The following POLQ variants were observed in gnomAD, a reference collection of about 807,000 sequenced individuals.
POLQ encodes the protein epididymis secretory sperm binding protein.
A neutral mutation model predicts 259.2 loss-of-function variants in POLQ; 233 were observed. That is an observed-to-expected ratio of 0.90 (90% CI 0.81 to 1.00). The LOEUF (loss-of-function observed/expected upper bound fraction) is 1.00. POLQ is among the 50% of genes least tolerant of loss of function. The probability of loss-of-function intolerance (pLI) is 0.00; values close to 1 mark genes in which losing one functional copy is unlikely to be tolerated. For missense variants in POLQ, 2,871 were observed against 3,051.6 expected (o/e 0.94, Z 1.39); for synonymous variants, 1,025 against 1,048.8 (o/e 0.98, Z 0.44).
chr3:121,496,750 C>T, intron 14 of POLQ, 58 bp downstream of exon 14: 1 of 1,538,074 alleles, frequency 6.5e-7, no homozygotes, highest in Non-Finnish European at 8.8e-7. Context: ...AAAAAGTAAT[C>T]TTAACTCGAC....
Position 121,476,732 on chromosome 3 carries a change from ATCTGG to A in POLQ, c.6212-4_6212del. The A allele has an allele frequency of 1.9e-6, 3 of 1,596,900 alleles. No individual in the cohort carries two copies. The highest frequency in any genetic ancestry group is 1.7e-4 in the Middle Eastern group (1 of 5,958). On this transcript the variant is annotated splice_acceptor_variant and splice_polypyrimidine_tract_variant and coding_sequence_variant and intron_variant, in exon 20 of 30. Transcript: ENST00000264233. LOFTEE classifies it high-confidence loss of function. ...AGGGCATTTCCACCTTACGGAAAAC[ATCTGG>A]AAGAAAAAAGAAAATTAAAACGTTA... is the stretch of plus-strand genomic sequence containing the variant.
At chr3:121,458,082 G>C (rs956016282) in intron 25 of POLQ, among the ~76,000 whole-genome samples, 1 of 152,104 alleles carries the variant, frequency 6.6e-6, no homozygotes, top group Non-Finnish European at 1.5e-5. Flanking sequence ...CATGTCCTTT[G>C]TAGGGACATG....
At chr3:121,508,856 T>C (rs1169285692) in intron 12 of POLQ, among the ~76,000 whole-genome samples, 1 of 152,216 alleles carries the variant, frequency 6.6e-6, no homozygotes, top group African/African-American at 2.4e-5. Flanking sequence ...ACTGACAAAA[T>C]TAATTATTTC....
Position 121,496,922 on chromosome 3 carries a change from T to C in POLQ, c.2164A>G (p.Ser722Gly), listed in dbSNP as rs1480400835. Residue 722 changes from serine (S) to glycine (G), a missense_variant, in exon 14 of 30, where the codon AGT (serine) becomes GGT (glycine). Physicochemically the swap from Ser to Gly is moderately conservative, Grantham distance 56. Transcript: ENST00000264233. ...CTGATTAAATCTAATAGCACAAGAC[T>C]GGTGAAAAACCTGGGAATAAATCAT... ...QMAIHKRFFT[S>G]LVLLDLISEV... 2.5e-6 allele frequency: 4 copies of C among 1,611,920 alleles called. No homozygotes were observed. Among genetic ancestry groups the C allele is most frequent in the Non-Finnish European group, 3.4e-6 (4 of 1,179,548 alleles).
At chr3:121,529,294 T>C (rs771361580) in intron 7 of POLQ, among the ~76,000 whole-genome samples, 9 of 152,208 alleles carry the variant, frequency 5.9e-5, no homozygotes, top group African/African-American at 1.2e-4. Flanking sequence ...AAGAAAGATA[T>C]GGTTACTTTC....
intron 4 of POLQ, among the ~76,000 whole-genome samples, chr3:121,537,422 CT>C (rs2048458684): frequency 1.3e-5 from 2 of 152,148 alleles, no homozygotes; most frequent in Non-Finnish European, 2.9e-5. Context: ...CAATAGTACC[CT>C]ATTATTAAAT....
chr3:121,511,805 T>C (rs2048257586), intron 10 of POLQ, 82 bp downstream of exon 10: 1 of 1,096,756 alleles, frequency 9.1e-7, no homozygotes, highest in Non-Finnish European at 1.3e-6. Context: ...AATAAATAAA[T>C]AAAGCTAAGA....
At chr3:121,474,990 C>CA (rs2047914648) in intron 20 of POLQ, among the ~76,000 whole-genome samples, 1 of 152,112 alleles carries the variant, frequency 6.6e-6, no homozygotes, top group East Asian at 1.9e-4. Flanking sequence ...TTGATCACCA[C>CA]ACTTAGACTT....
chr3:121,434,981 A>ACC (rs1308711041), intron 28 of POLQ, among the ~76,000 whole-genome samples: 2 of 151,806 alleles, frequency 1.3e-5, no homozygotes, highest in Non-Finnish European at 2.9e-5. Context: ...ACATGGTGAA[A>ACC]CCCCCTCTCT....
chr3:121,522,213 A>C (rs1407908294), intron 7 of POLQ, 64 bp from the exon 8 acceptor site: 1 of 1,199,020 alleles, frequency 8.3e-7, no homozygotes, highest in Non-Finnish European at 1.2e-6. Context: ...GTATCTGTCT[A>C]AATCATAATA....
At chr3:121,506,534 A>T (rs1167918507) in intron 12 of POLQ, among the ~76,000 whole-genome samples, 2 of 152,238 alleles carry the variant, frequency 1.3e-5, no homozygotes, top group Non-Finnish European at 2.9e-5. Context: ...AATGTAAAAA[A>T]ATGTAAACTA....
At chr3:121,539,624 A>G (rs1221471076) in intron 3 of POLQ, 35 bp from the exon 4 acceptor site, 11 of 1,565,424 alleles carry the variant, frequency 7.0e-6, no homozygotes, top group Non-Finnish European at 9.6e-6. Flanking sequence ...ACAGGTGAAA[A>G]AACTTGAAAT....
chr3:121,443,096 T>C (rs1243434408), intron 26 of POLQ, among the ~76,000 whole-genome samples: 1 of 152,304 alleles, frequency 6.6e-6, no homozygotes, highest in African/African-American at 2.4e-5. Context: ...GACCTTGTGA[T>C]CCACCCGCCT....
At chr3:121,517,729 T>C (rs911320743) in intron 9 of POLQ, among the ~76,000 whole-genome samples, 1 of 152,198 alleles carries the variant, frequency 6.6e-6, no homozygotes, top group Non-Finnish European at 1.5e-5. Flanking sequence ...GAGACTGGAC[T>C]GGCCATCATA....
chr3:121,528,623 A>ATTC (rs1179312304), intron 7 of POLQ, among the ~76,000 whole-genome samples: 1 of 151,620 alleles, frequency 6.6e-6, no homozygotes, highest in African/African-American at 2.4e-5. Context: ...GATTACAGGC[A>ATTC]TGAGCCACCA....
chr3:121,463,195 T>A (rs997378492), intron 24 of POLQ, among the ~76,000 whole-genome samples: 1 of 152,156 alleles, frequency 6.6e-6, no homozygotes, highest in African/African-American at 2.4e-5. Flanking sequence ...TGGGGGTGGT[T>A]TCCCCCATAC....
Position 121,483,399 on chromosome 3 carries a change from T to TA in POLQ, c.5956dup (p.Tyr1986LeufsTer2). The TA allele has an allele frequency of 6.4e-7, 1 of 1,555,456 alleles. No individual in the cohort carries two copies. The highest frequency in any genetic ancestry group is 8.6e-7 in the Non-Finnish European group (1 of 1,158,494). On this transcript the variant is annotated frameshift_variant, in exon 18 of 30. Coordinates refer to ENST00000264233, the MANE Select transcript of POLQ (RefSeq NM_199420.4). LOFTEE classifies it high-confidence loss of function. ...TAGACATAGAACCTTAGGATCTTCA[T>TA]AACTTTGCTCCAAGGAGATGCCACA...
Position 121,481,647 on chromosome 3 carries a change from C to G in POLQ, c.6136G>C (p.Ala2046Pro), listed in dbSNP as rs780342607. The change falls in exon 19 of 30, where the codon GCA becomes CCA. Residue 2046 changes from alanine (A) to proline (P), a missense_variant. Around this residue, in one of 3 missense-constraint regions of POLQ, gnomAD observed 2,080 missense variants for 2,126.0 expected, o/e 0.98. Transcript: ENST00000264233. ...AGSEHSGRYRASVESILIFNS... is the reference protein window; with the variant it reads ...AGSEHSGRYRPSVESILIFNS... ...AAGATGAGAATGGACTCCACAGATG[C>G]TCTGTATCGCCCAGAATGCTCACTG... The G allele has an allele frequency of 1.2e-6, 2 of 1,613,878 alleles. No individual in the cohort carries two copies. Among genetic ancestry groups the G allele is most frequent in the South Asian group, 1.1e-5 (1 of 91,074 alleles).
At position 121,488,340 on chromosome 3, in the gene POLQ, C is replaced by A. The variant is rs1453073085; in HGVS notation, c.4591G>T (p.Asp1531Tyr). ...TTTACATTTGATTTTTTAATTAGGTCTTCTTGTAGACACAGAGAATCACTA... is the reference window on the plus strand; with the variant it reads ...TTTACATTTGATTTTTTAATTAGGTATTCTTGTAGACACAGAGAATCACTA... ...HFSDSLCLQE[D>Y]LIKKSNVNEN... Residue 1531 changes from aspartate to tyrosine, a missense_variant, in exon 16 of 30, where the codon GAC becomes TAC. Coordinates refer to ENST00000264233, the MANE Select transcript of POLQ (RefSeq NM_199420.4). 1.2e-6 allele frequency: 2 copies of A among 1,612,614 alleles called. No individual in the cohort carries two copies. The highest frequency in any genetic ancestry group is 1.3e-5 in the African/African-American group (1 of 74,810).
Sources: gnomAD v4.1 joint callset for allele counts (sites outside exome capture counted in the v4.1 genomes callset) on GRCh38, gnomAD v4.1.1 for gene constraint, gnomAD v4.1.1 regional missense constraint, MANE v1.5 for transcripts, NCBI Gene and HGNC (gene_info 2026-07-23, HGNC 2026-07-21) for gene names.